SMIM31: variants seen among roughly 807,000 people sequenced by gnomAD.
The protein encoded by SMIM31 is small integral membrane protein 31, also known as human epithelial cell program regulator.
intron 2 of SMIM31, among the ~76,000 whole-genome samples, chr4:164,776,750 A>C (rs1459135380): frequency 6.6e-6 from 1 of 152,182 alleles, no homozygotes; most frequent in Non-Finnish European, 1.5e-5. Flanking sequence ...TTACTGGATA[A>C]ATTAATAAAT....
chr4:164,773,375 T>C (rs938056100), intron 2 of SMIM31, among the ~76,000 whole-genome samples: 5 of 152,194 alleles, frequency 3.3e-5, no homozygotes, highest in Admixed American at 6.5e-5. Flanking sequence ...TACCCAAAAC[T>C]GGGTAATTTA....
At chr4:164,783,537 A>G (rs1181918987) in intron 2 of SMIM31, among the ~76,000 whole-genome samples, 1 of 151,614 alleles carries the variant, frequency 6.6e-6, no homozygotes, top group Non-Finnish European at 1.5e-5. Flanking sequence ...AAAAGAAAAA[A>G]AAAAAAAAAA....
intron 2 of SMIM31, among the ~76,000 whole-genome samples, chr4:164,796,400 C>T (rs1016235240): frequency 1.3e-5 from 2 of 152,144 alleles, no homozygotes; most frequent in East Asian, 1.9e-4. Flanking sequence ...TTTGCAGGTT[C>T]CCCCTAATGC....
chr4:164,790,461 T>G (rs747873141), intron 2 of SMIM31, among the ~76,000 whole-genome samples: 4 of 152,188 alleles, frequency 2.6e-5, no homozygotes, highest in African/African-American at 7.2e-5. Context: ...ACATGACACT[T>G]ATAAATTCCA....
rs949572032 is a variant in SMIM31 at position 164,796,288 on chromosome 4, C to G, written c.113-4803C>G. Among the ~76,000 whole-genome samples, 3 of 152,250 alleles carry G rather than the reference C, an allele frequency of 2.0e-5. 1 individual carries two copies. Among genetic ancestry groups the G allele is most frequent in the South Asian group, 4.1e-4 (2 of 4,820 alleles). The stretch of plus-strand genomic sequence containing the variant: ...TTCACAACTGCCGAAAATGTTACTG[C>G]GGTGATGATTTTAAATCTGAATTCC... On this transcript the variant is annotated intron_variant, in intron 2 of 2. Transcript: ENST00000507311.
intron 2 of SMIM31, among the ~76,000 whole-genome samples, chr4:164,787,755 G>A (rs1162141858): frequency 6.6e-6 from 1 of 152,032 alleles, no homozygotes; most frequent in Non-Finnish European, 1.5e-5. Context: ...ACACTCTCAT[G>A]TGCCCAAGGA....
In SMIM31 at chr4:164,761,931, A is replaced by AAATG. The variant is rs1483565638; in HGVS notation, c.-26+7523_-26+7524insGAAT. Among the ~76,000 whole-genome samples the AAATG allele has an allele frequency of 9.0e-4, 119 of 131,494 alleles. 1 individual carries two copies. Among genetic ancestry groups the AAATG allele is most frequent in the African/African-American group, 3.0e-3 (100 of 33,804 alleles). 86.3% of individuals were successfully genotyped at this position (131,494 alleles called of 152,430 possible). ...GAGCAAGACTCCACCTCAAATAAAT[A>AAATG]AATAAATAAATAAATAAATAAATAA... On this transcript the variant is annotated intron_variant, in intron 1 of 2. Coordinates refer to ENST00000507311, the MANE Select transcript of SMIM31 (RefSeq NM_001352885.1).
Position 164,781,168 on chromosome 4 carries a change from G to A in SMIM31, c.112+10613G>A, listed in dbSNP as rs189051237. Among the ~76,000 whole-genome samples the A allele has an allele frequency of 7.5e-4, 110 of 146,010 alleles. 1 individual carries two copies. Among genetic ancestry groups the A allele is most frequent in the African/African-American group, 3.0e-3 (107 of 36,068 alleles). On this transcript the variant is annotated intron_variant, in intron 2 of 2. Transcript: ENST00000507311. The stretch of plus-strand genomic sequence containing the variant: ...CACACACACACACACACAATACCAA[G>A]TACTGCTGAAGATGAAGAACTACTG...
At chr4:164,755,534 AGGAGAGGAGGGGAGGGGAGGGGAGG>A (rs1341426015) in intron 1 of SMIM31, among the ~76,000 whole-genome samples, 2 of 25,794 alleles carry the variant, frequency 7.8e-5, no homozygotes, top group African/African-American at 4.0e-4. Flanking sequence ...AGGGAGGGAG[AGGAGAGGAGGGGAGGGGAGGGGAGG>A]GGAGGGGAGG....
In SMIM31 at chr4:164,770,572, A is replaced by G. The variant is rs1732787494; in HGVS notation, c.112+17A>G. The stretch of plus-strand genomic sequence containing the variant: ...GTAATGAAGGTAAAAGAAGACAAAA[A>G]GAACAAAGCTCTTTGTGGCTACTGT... On this transcript the variant is annotated intron_variant, in intron 2 of 2. Transcript: ENST00000507311. 2.5e-6 allele frequency: 1 copy of G among 398,950 alleles called. No individual in the cohort carries two copies. Among genetic ancestry groups the G allele is most frequent in the South Asian group, 1.3e-4 (1 of 7,860 alleles). 24.7% of individuals were successfully genotyped at this position (398,950 alleles called of 1,614,324 possible).
At chr4:164,773,439 G>A (rs1157015054) in intron 2 of SMIM31, among the ~76,000 whole-genome samples, 3 of 152,210 alleles carry the variant, frequency 2.0e-5, no homozygotes, top group Admixed American at 6.5e-5. Flanking sequence ...GGAGGCCTCA[G>A]GAAACTTACA....
In SMIM31 at chr4:164,755,586, A is replaced by G. The variant is rs149904249; in HGVS notation, c.-26+1175A>G. Among the ~76,000 whole-genome samples the G allele has an allele frequency of 3.9e-3, 178 of 45,674 alleles. 4 individuals carry two copies. Among genetic ancestry groups the G allele is most frequent in the African/African-American group, 0.01 (125 of 12,076 alleles). The allele number at this position is 45,674 out of a possible 152,430, so 30.0% of individuals were successfully genotyped here. ...GAGGGGAGGGGAGGGGAGGGGAGGG[A>G]AATCTGTGGCCAGCATTGTGTTGTT... On this transcript the variant is annotated intron_variant, in intron 1 of 2. Transcript: ENST00000507311.
chr4:164,781,638 A>T (rs1443938485), intron 2 of SMIM31, among the ~76,000 whole-genome samples: 1 of 152,118 alleles, frequency 6.6e-6, no homozygotes, highest in Non-Finnish European at 1.5e-5. Flanking sequence ...CACTAGATCC[A>T]TGTTGCACTT....
In SMIM31 at chr4:164,770,425, A is replaced by C. The variant is rs1560825808; in HGVS notation, c.-19A>C. On this transcript the variant is annotated 5_prime_UTR_variant, in exon 2 of 3. Coordinates refer to ENST00000507311, the MANE Select transcript of SMIM31 (RefSeq NM_001352885.1). ...TGTTTTATTCCTATTGTAGGTGAAG[A>C]AGTTTTCGGTGGTGGTTCATGGAGC... 2.5e-6 allele frequency: 1 copy of C among 398,688 alleles called. No homozygotes were observed. The highest frequency in any genetic ancestry group is 4.4e-6 in the Non-Finnish European group (1 of 225,994). The allele number at this position is 398,688 out of a possible 1,614,324, so 24.7% of individuals were successfully genotyped here.
intron 2 of SMIM31, among the ~76,000 whole-genome samples, chr4:164,781,949 A>G (rs990510783): frequency 2.6e-5 from 4 of 152,292 alleles, no homozygotes; most frequent in African/African-American, 9.6e-5. Context: ...GATGCGTGAT[A>G]CATTTGTCTG....
chr4:164,774,719 T>C (rs1732858019), intron 2 of SMIM31, among the ~76,000 whole-genome samples: 1 of 152,234 alleles, frequency 6.6e-6, no homozygotes, highest in South Asian at 2.1e-4. Flanking sequence ...AACTGCATTT[T>C]ATTAAATGAG....
chr4:164,798,234 T>TTA (rs1553966795), intron 2 of SMIM31, among the ~76,000 whole-genome samples: 24 of 148,858 alleles, frequency 1.6e-4, no homozygotes, highest in African/African-American at 4.2e-4. Flanking sequence ...ATTTTTATTT[T>TTA]TTTTTTTTAT....
chr4:164,775,768 C>A (rs1348099577), intron 2 of SMIM31, among the ~76,000 whole-genome samples: 2 of 152,152 alleles, frequency 1.3e-5, no homozygotes, highest in African/African-American at 4.8e-5. Flanking sequence ...CAATGGCTCA[C>A]TAGAAAAGAA....
chr4:164,756,355 G>A (rs891970145), intron 1 of SMIM31, among the ~76,000 whole-genome samples: 1 of 152,072 alleles, frequency 6.6e-6, no homozygotes, highest in Non-Finnish European at 1.5e-5. Flanking sequence ...CGGATCACAA[G>A]GTCAGGAGAT....
Sources: gnomAD v4.1 joint callset for allele counts (sites outside exome capture counted in the v4.1 genomes callset) on GRCh38, gnomAD v4.1.1 for gene constraint, MANE v1.5 for transcripts, NCBI Gene and HGNC (gene_info 2026-07-23, HGNC 2026-07-21) for gene names.